The following NRXN3 variants were observed in gnomAD, a reference collection of about 807,000 sequenced individuals.
NRXN3 encodes the protein neurexin 3.
NRXN3 carries 32 observed loss-of-function variants against 137.6 expected under a neutral mutation model. That is an observed-to-expected ratio of 0.23 (90% CI 0.18 to 0.31). The LOEUF (loss-of-function observed/expected upper bound fraction) is 0.31. NRXN3 is among the 10% of genes least tolerant of loss of function. NRXN3 has a pLI of 1.00. For synonymous variants in NRXN3, 798 were observed against 784.5 expected (o/e 1.02, Z -0.29); for missense variants, 1,574 against 2,062.5 (o/e 0.76, Z 4.59).
chr14:78,586,922 C>T (rs1461878674), intron 4 of NRXN3, among the ~76,000 whole-genome samples: 2 of 152,160 alleles, frequency 1.3e-5, no homozygotes, highest in African/African-American at 2.4e-5. Flanking sequence ...TGGCAGTGCT[C>T]GCCTGAGGAA....
Position 79,387,545 on chromosome 14 carries a change from C to T in NRXN3, c.3263-79676C>T, listed in dbSNP as rs1478299181. Among the ~76,000 whole-genome samples the T allele has an allele frequency of 2.6e-5, 4 of 152,232 alleles. No homozygotes were observed. The East Asian group carries it at 7.7e-4, about 29-fold the overall frequency. On this transcript the variant is annotated intron_variant, in intron 15 of 20. Transcript: ENST00000335750. ...TCAACCATTGTAGAAGTCAGTGTGG[C>T]GATTCCTCAGGGATCTAGAACTAGA...
At chr14:79,297,173 A>G (rs2084324100) in intron 15 of NRXN3, among the ~76,000 whole-genome samples, 1 of 152,230 alleles carries the variant, frequency 6.6e-6, no homozygotes, top group Non-Finnish European at 1.5e-5. Flanking sequence ...ATAGGTTCTC[A>G]TAACCTTCTA....
intron 4 of NRXN3, among the ~76,000 whole-genome samples, chr14:78,608,039 T>C (rs926910779): frequency 1.3e-5 from 2 of 152,096 alleles, no homozygotes; most frequent in African/African-American, 4.8e-5. Flanking sequence ...AGGAGGGAAA[T>C]GGCCCTTTGT....
intron 15 of NRXN3, among the ~76,000 whole-genome samples, chr14:79,017,979 G>A (rs879720719): frequency 2.6e-5 from 4 of 151,932 alleles, no homozygotes; most frequent in Non-Finnish European, 4.4e-5. Flanking sequence ...AGAAAAAGGG[G>A]CCAGGCATGG....
At chr14:78,462,628 C>G (rs2094956557) in intron 4 of NRXN3, among the ~76,000 whole-genome samples, 1 of 152,140 alleles carries the variant, frequency 6.6e-6, no homozygotes, top group Non-Finnish European at 1.5e-5. Flanking sequence ...AGAATTCATG[C>G]TTTGTTGGTT....
chr14:79,180,627 C>T (rs12587075), intron 15 of NRXN3, among the ~76,000 whole-genome samples: 5,293 of 152,184 alleles, frequency 0.035, 246 homozygotes, highest in East Asian at 0.22. Flanking sequence ...CTTTATATAA[C>T]AGAGACTTTA....
At chr14:78,633,488 C>G (rs2097541306) in intron 4 of NRXN3, among the ~76,000 whole-genome samples, 1 of 152,160 alleles carries the variant, frequency 6.6e-6, no homozygotes, top group African/African-American at 2.4e-5. Flanking sequence ...CCTCTTTCAC[C>G]TATCCATTCA....
chr14:78,275,817 T>C (rs973125815), intron 2 of NRXN3, among the ~76,000 whole-genome samples: 1 of 152,118 alleles, frequency 6.6e-6, no homozygotes, highest in Non-Finnish European at 1.5e-5. Flanking sequence ...GGAAAACAGC[T>C]GAGGACTGCT....
In NRXN3 at chr14:79,467,409, A is replaced by G. The variant is rs2096441725; in HGVS notation, c.3444+7A>G. The G allele has an allele frequency of 6.3e-7, 1 of 1,585,562 alleles. No individual in the cohort carries two copies. On this transcript the variant is annotated splice_region_variant and intron_variant, in intron 16 of 20. Coordinates refer to ENST00000335750, the MANE Select transcript of NRXN3 (RefSeq NM_001330195.2). Reference sequence around the variant, plus strand: ...CTTCCTCCAGCTTCACATAGTGAGTACAGGGCCTTGGCCTGGATTTTCTTA... The same window carrying G: ...CTTCCTCCAGCTTCACATAGTGAGTGCAGGGCCTTGGCCTGGATTTTCTTA...
intron 15 of NRXN3, among the ~76,000 whole-genome samples, chr14:79,379,465 G>A (rs1443114284): frequency 1.3e-5 from 2 of 152,158 alleles, no homozygotes; most frequent in Non-Finnish European, 2.9e-5. Flanking sequence ...TATGACAGCT[G>A]CTTCCACAAT....
chr14:78,505,043 C>A (rs1276047207), intron 4 of NRXN3, among the ~76,000 whole-genome samples: 1 of 152,122 alleles, frequency 6.6e-6, no homozygotes, highest in Non-Finnish European at 1.5e-5. Flanking sequence ...AAGACCATTC[C>A]ATTACAAACA....
intron 4 of NRXN3, among the ~76,000 whole-genome samples, chr14:78,377,084 A>G (rs562251954): frequency 1.5e-4 from 23 of 152,372 alleles, no homozygotes; most frequent in African/African-American, 5.5e-4. Flanking sequence ...CAATAATTAC[A>G]TTAAATGTAA....
chr14:78,897,541 C>T (rs2099181023), intron 10 of NRXN3, among the ~76,000 whole-genome samples: 1 of 151,772 alleles, frequency 6.6e-6, no homozygotes, highest in African/African-American at 2.4e-5. Flanking sequence ...ATAAGATGTC[C>T]AGTGAGGCAC....
intron 4 of NRXN3, among the ~76,000 whole-genome samples, chr14:78,512,022 A>C (rs2096118569): frequency 6.6e-6 from 1 of 152,208 alleles, no homozygotes; most frequent in Admixed American, 6.5e-5. Context: ...TGCGTGACAC[A>C]CAGAGACTTA....
chr14:79,592,344 A>G (rs959600582), intron 16 of NRXN3, among the ~76,000 whole-genome samples: 1 of 152,196 alleles, frequency 6.6e-6, no homozygotes, highest in Admixed American at 6.5e-5. Context: ...ATGAAGACGA[A>G]TAATGTACTT....
intron 4 of NRXN3, among the ~76,000 whole-genome samples, chr14:78,627,523 G>T (rs1178721078): frequency 1.3e-5 from 2 of 152,220 alleles, no homozygotes; most frequent in Non-Finnish European, 2.9e-5. Context: ...GTGACTCTGG[G>T]ACGTTGATGG....
intron 4 of NRXN3, among the ~76,000 whole-genome samples, chr14:78,524,033 G>A (rs1365170701): frequency 1.3e-5 from 2 of 152,092 alleles, no homozygotes; most frequent in Admixed American, 1.3e-4. Context: ...AGAAAAAGAA[G>A]TAAATCATCC....
chr14:79,573,269 C>T (rs1049339975), intron 16 of NRXN3, among the ~76,000 whole-genome samples: 3 of 152,012 alleles, frequency 2.0e-5, no homozygotes, highest in African/African-American at 7.2e-5. Flanking sequence ...TAAACCAAAT[C>T]GAAATGCCTA....
chr14:78,645,955 A>G (rs192866900), intron 5 of NRXN3, among the ~76,000 whole-genome samples: 7 of 151,760 alleles, frequency 4.6e-5, no homozygotes, highest in African/African-American at 7.3e-5. Flanking sequence ...GTTAACCTCT[A>G]GCTTTGGAAT....
Sources: allele counts gnomAD v4.1 joint callset (sites outside exome capture counted in the v4.1 genomes callset), GRCh38; gene constraint gnomAD v4.1.1; transcripts MANE v1.5; gene names NCBI Gene and HGNC (gene_info 2026-07-23, HGNC 2026-07-21).